Variants in DMD observed in about 807,000 individuals in gnomAD.
DMD encodes the protein mutant dystrophin.
Under a neutral mutation model 330.1 loss-of-function variants are expected in DMD, and 63 were observed. The observed-to-expected ratio is 0.19, with a 90% CI of 0.16 to 0.24. The LOEUF (loss-of-function observed/expected upper bound fraction) is 0.24. Among genes scored for constraint, DMD ranks in the 10% least tolerant of loss-of-function variants. The pLI is 1.00. For missense variants in DMD, 3,344 were observed against 2,684.1 expected, an observed-to-expected ratio of 1.25 and a Z score of -5.43; for synonymous variants, 1,223 against 959.8, an observed-to-expected ratio of 1.27 and a Z score of -5.07.
intron 7 of DMD, among the ~76,000 whole-genome samples, chrX:32,795,726 A>C (rs886784068): frequency 4.5e-5 from 5 of 112,187 alleles, no homozygotes; most frequent in Admixed American, 3.8e-4. Flanking sequence ...ACAAGAGACT[A>C]ATATCTAGGA....
intron 67 of DMD, among the ~76,000 whole-genome samples, chrX:31,197,196 C>T (rs2042987392): frequency 9.0e-6 from 1 of 111,693 alleles, no homozygotes; most frequent in Non-Finnish European, 1.9e-5. Context: ...CACAGTCACA[C>T]AGCCAGCAAA....
At chrX:32,055,192 C>T (rs2096159915) in intron 44 of DMD, among the ~76,000 whole-genome samples, 3 of 111,252 alleles carry the variant, frequency 2.7e-5, no homozygotes, top group African/African-American at 3.3e-5. Context: ...TCAATCTCCT[C>T]ATTCATAAGA....
intron 62 of DMD, among the ~76,000 whole-genome samples, chrX:31,322,947 ATCCTCTC>A (rs2056528246): frequency 9.0e-6 from 1 of 111,597 alleles, no homozygotes; most frequent in Admixed American, 9.5e-5. Context: ...ATCACTCAAT[ATCCTCTC>A]TCCTCTCTCT....
At chrX:32,598,052 G>A (rs1348267081) in intron 12 of DMD, among the ~76,000 whole-genome samples, 1 of 111,879 alleles carries the variant, frequency 8.9e-6, no homozygotes, top group Non-Finnish European at 1.9e-5. Flanking sequence ...AACTTATTAG[G>A]ATGGCTGAAT....
chrX:31,675,511 C>A (rs1348164230), intron 53 of DMD, among the ~76,000 whole-genome samples: 2 of 111,152 alleles, frequency 1.8e-5, no homozygotes, highest in African/African-American at 6.6e-5. Context: ...TACAGGCATG[C>A]AGCACCACGC....
At chrX:32,897,066 T>C (rs1354832020) in intron 2 of DMD, among the ~76,000 whole-genome samples, 1 of 105,952 alleles carries the variant, frequency 9.4e-6, no homozygotes, top group Non-Finnish European at 1.9e-5. Context: ...AAAATATATT[T>C]TTTTCATCAA....
intron 53 of DMD, among the ~76,000 whole-genome samples, chrX:31,668,305 C>T (rs1165068666): frequency 1.8e-5 from 2 of 110,652 alleles, no homozygotes; most frequent in Non-Finnish European, 3.8e-5. Flanking sequence ...GTTACTTTTG[C>T]TTTTGGTGTC....
In DMD at chrX:31,506,636, TC is replaced by T. The variant is rs2070977633; in HGVS notation, c.8390+644del. Among the ~76,000 whole-genome samples, 3 of 112,141 alleles carry T rather than the reference TC, an allele frequency of 2.7e-5. No individual in the cohort carries two copies. The South Asian group carries it at 1.1e-3, about 42-fold the overall frequency. ...CTTTTTACAAAGATGCTATGATGCATCCATTAACTAACTTCTCCAAAGAAAG... is the reference window on the plus strand; with the variant it reads ...CTTTTTACAAAGATGCTATGATGCATCATTAACTAACTTCTCCAAAGAAAG... On this transcript the variant is annotated intron_variant, in intron 56 of 78. Transcript: ENST00000357033.
chrX:32,426,085 G>T (rs1214197472), intron 29 of DMD, among the ~76,000 whole-genome samples: 2 of 111,726 alleles, frequency 1.8e-5, no homozygotes, highest in African/African-American at 6.5e-5. Flanking sequence ...ATGTAATGAT[G>T]ATGTCAAAAG....
intron 7 of DMD, among the ~76,000 whole-genome samples, chrX:32,705,179 ATT>A (rs1246202399): frequency 8.9e-6 from 1 of 111,966 alleles, no homozygotes; most frequent in African/African-American, 3.2e-5. Context: ...CCCATGTTAA[ATT>A]TTTTAACATT....
intron 12 of DMD, among the ~76,000 whole-genome samples, chrX:32,603,921 A>G (rs1388338512): frequency 9.0e-6 from 1 of 111,241 alleles, no homozygotes; most frequent in Non-Finnish European, 1.9e-5. Flanking sequence ...TCTACCAGAC[A>G]TGCAAAGAAC....
intron 2 of DMD, among the ~76,000 whole-genome samples, chrX:32,891,182 A>G (rs67086553): frequency 0.21 from 23,095 of 111,234 alleles, 1,788 homozygotes; most frequent in East Asian, 0.35. Context: ...AATAGGGCAA[A>G]AATTCAGAGT....
intron 53 of DMD, among the ~76,000 whole-genome samples, chrX:31,677,483 G>A (rs1201138882): frequency 1.8e-5 from 2 of 111,783 alleles, no homozygotes; most frequent in Non-Finnish European, 3.8e-5. Flanking sequence ...CATAGTATCC[G>A]AAACTTATAG....
intron 2 of DMD, among the ~76,000 whole-genome samples, chrX:32,888,274 A>T (rs1210447999): frequency 2.7e-5 from 3 of 110,274 alleles, no homozygotes; most frequent in Non-Finnish European, 3.8e-5. Context: ...TGTGTGCATT[A>T]GGTATTTGTC....
chrX:32,227,078 T>G (rs912855820), intron 43 of DMD, among the ~76,000 whole-genome samples: 4 of 105,638 alleles, frequency 3.8e-5, no homozygotes, highest in Non-Finnish European at 7.8e-5. Context: ...GGTGAGTGTT[T>G]TAAACCAAAA....
In DMD at chrX:31,954,822, A is replaced by G. The variant is rs865968478; in HGVS notation, c.6614+13517T>C. On this transcript the variant is annotated intron_variant, in intron 45 of 78. Transcript: ENST00000357033. ...CTGTATACTTAAAAATGGTAAAGGT[A>G]TATTTACTTTTATTTATATAGAGGT... Among the ~76,000 whole-genome samples the G allele has an allele frequency of 1.2e-4, 13 of 110,264 alleles. No individual in the cohort carries two copies. The Middle Eastern group carries it at 0.014, about 119-fold the overall frequency.
chrX:32,269,543 AC>A (rs2097357780), intron 43 of DMD, among the ~76,000 whole-genome samples: 1 of 111,126 alleles, frequency 9.0e-6, no homozygotes, highest in South Asian at 3.8e-4. Flanking sequence ...GTTGCTGAAG[AC>A]CCGTATGGAT....
At chrX:31,383,269 G>A (rs1025274896) in intron 60 of DMD, among the ~76,000 whole-genome samples, 4 of 111,214 alleles carry the variant, frequency 3.6e-5, no homozygotes, top group African/African-American at 9.8e-5. Context: ...ATCTCCCTTC[G>A]CTGACTCTTT....
At chrX:33,096,317 A>T (rs1054605526) in intron 1 of DMD, among the ~76,000 whole-genome samples, 1 of 111,331 alleles carries the variant, frequency 9.0e-6, no homozygotes, top group Non-Finnish European at 1.9e-5. Flanking sequence ...GAGATGATTT[A>T]AAAAGCTCTT....
Sources: gnomAD v4.1 joint callset for allele counts (sites outside exome capture counted in the v4.1 genomes callset) on GRCh38, gnomAD v4.1.1 for gene constraint, MANE v1.5 for transcripts, NCBI Gene and HGNC (gene_info 2026-07-23, HGNC 2026-07-21) for gene names.